Variants in DIPK1A observed in about 807,000 individuals in gnomAD.
DIPK1A encodes family with sequence similarity 69 member A.
Under a neutral mutation model 40.8 loss-of-function variants are expected in DIPK1A, and 27 were observed. The ratio of observed to expected loss-of-function variants is 0.66; its 90% confidence interval spans 0.49 to 0.91. DIPK1A has a LOEUF of 0.91. DIPK1A is among the 40% of genes least tolerant of loss of function. DIPK1A has a pLI of 0.00. For synonymous variants in DIPK1A, 166 were observed against 171.3 expected (o/e 0.97, Z 0.24); for missense variants, 412 against 505.7 (o/e 0.81, Z 1.78).
At chr1:92,945,832 A>T (rs1651340050) in intron 1 of DIPK1A, among the ~76,000 whole-genome samples, 1 of 152,222 alleles carries the variant, frequency 6.6e-6, no homozygotes, top group African/African-American at 2.4e-5. Flanking sequence ...AAGTGTAACC[A>T]GGTAATTATT....
At chr1:92,898,278 G>A (rs1489427998) in intron 1 of DIPK1A, among the ~76,000 whole-genome samples, 1 of 152,152 alleles carries the variant, frequency 6.6e-6, no homozygotes. Flanking sequence ...ATGGTGAAGA[G>A]AGCAACGGGG....
intron 4 of DIPK1A, chr1:92,836,114 G>T (rs1288670513): frequency 7.3e-7 from 1 of 1,372,634 alleles, no homozygotes; most frequent in East Asian, 2.3e-5. Flanking sequence ...GGTCCTTACG[G>T]TTATGACATA....
At chr1:92,950,511 G>A (rs1322685574) in intron 1 of DIPK1A, among the ~76,000 whole-genome samples, 1 of 152,262 alleles carries the variant, frequency 6.6e-6, no homozygotes, top group African/African-American at 2.4e-5. Context: ...GAAAGGGTTA[G>A]ACTGGGCTAT....
intron 4 of DIPK1A, 32 bp downstream of exon 4, chr1:92,847,151 C>A: frequency 7.1e-7 from 1 of 1,415,260 alleles, no homozygotes; most frequent in Non-Finnish European, 9.4e-7. Context: ...AGTCCCACTT[C>A]ACACTAGCAA....
intron 4 of DIPK1A, chr1:92,836,765 C>T (rs1360255656): frequency 4.5e-6 from 1 of 220,172 alleles, no homozygotes; most frequent in Non-Finnish European, 9.2e-6. Flanking sequence ...AAAGGTGGAT[C>T]CTAGAATTTT....
chr1:92,906,314 TAGAC>T (rs983121226), intron 1 of DIPK1A, among the ~76,000 whole-genome samples: 4 of 152,156 alleles, frequency 2.6e-5, no homozygotes, highest in Non-Finnish European at 4.4e-5. Flanking sequence ...GACTAAGTCT[TAGAC>T]AGATGAGTGT....
Position 92,844,176 on chromosome 1 carries a change from C to T in DIPK1A, c.494G>A (p.Gly165Glu), listed in dbSNP as rs1020889622. The change falls in exon 5 of 5, where the codon GGA becomes GAA. Residue 165 changes from glycine to glutamate, a missense_variant. Gly to Glu is a moderately conservative substitution (Grantham distance 98, BLOSUM62 -2). Transcript: ENST00000370310. ...SLFKAKLGDQ[G>E]NLSELVNLIL... Reference sequence around the variant, plus strand: ...GAGATTAACCAGTTCAGAGAGGTTTCCTTGGTCACCCAATTTTGCCTGTCA... The same window carrying T: ...GAGATTAACCAGTTCAGAGAGGTTTTCTTGGTCACCCAATTTTGCCTGTCA... 4.5e-6 allele frequency: 7 copies of T among 1,545,506 alleles called. No individual in the cohort carries two copies. Among genetic ancestry groups the T allele is most frequent in the Admixed American group, 2.0e-5 (1 of 50,424 alleles).
chr1:92,895,120 T>C (rs1233663565), intron 1 of DIPK1A, among the ~76,000 whole-genome samples: 1 of 151,812 alleles, frequency 6.6e-6, no homozygotes, highest in Non-Finnish European at 1.5e-5. Flanking sequence ...TTCCAATCAA[T>C]AGAAAAAGAG....
intron 1 of DIPK1A, among the ~76,000 whole-genome samples, chr1:92,885,073 T>A (rs1470742100): frequency 6.6e-6 from 1 of 152,166 alleles, no homozygotes; most frequent in Non-Finnish European, 1.5e-5. Context: ...TATTGAAACA[T>A]AATCTCCCCT....
intron 2 of DIPK1A, among the ~76,000 whole-genome samples, chr1:92,875,864 C>T (rs947892940): frequency 1.3e-5 from 2 of 151,798 alleles, no homozygotes; most frequent in Non-Finnish European, 2.9e-5. Flanking sequence ...GAGATACATC[C>T]AATCACTAGG....
chr1:92,837,440 A>C, downstream of DIPK1A: 1 of 1,605,898 alleles, frequency 6.2e-7, no homozygotes, highest in South Asian at 1.1e-5. Flanking sequence ...CTAAAATATG[A>C]ATAACTTTAT....
intron 1 of DIPK1A, among the ~76,000 whole-genome samples, chr1:92,900,147 T>C (rs1462314457): frequency 6.6e-6 from 1 of 152,220 alleles, no homozygotes; most frequent in Non-Finnish European, 1.5e-5. Flanking sequence ...TGGATGTCTA[T>C]ACCTCTCCTC....
intron 1 of DIPK1A, among the ~76,000 whole-genome samples, chr1:92,882,125 T>C (rs1648404042): frequency 6.6e-6 from 1 of 152,218 alleles, no homozygotes; most frequent in Non-Finnish European, 1.5e-5. Flanking sequence ...TGGTGGCTCA[T>C]GCCTGTAATC....
intron 1 of DIPK1A, among the ~76,000 whole-genome samples, chr1:92,878,852 CAAAA>C (rs1177097699): frequency 4.1e-5 from 6 of 147,304 alleles, no homozygotes; most frequent in Admixed American, 3.4e-4. Context: ...AACAAACAAA[CAAAA>C]ATTAGCCGAG....
intron 1 of DIPK1A, among the ~76,000 whole-genome samples, chr1:92,948,771 G>A (rs1186842558): frequency 7.3e-6 from 1 of 136,370 alleles, no homozygotes; most frequent in Admixed American, 7.4e-5. Flanking sequence ...ATATATGTGT[G>A]TGTGTGTATA....
chr1:92,909,701 C>T lies in DIPK1A; in HGVS notation c.55-33271G>A, dbSNP rs148844514. The stretch of plus-strand genomic sequence containing the variant: ...GCCCTAGGTGTAGAGCAGAGAGTGT[C>T]ACTCAGATTTCAACAAGCTGCAACC... On this transcript the variant is annotated intron_variant, in intron 1 of 4. Transcript: ENST00000370310. Among the ~76,000 whole-genome samples the T allele has an allele frequency of 2.8e-4, 42 of 152,174 alleles. No individual in the cohort carries two copies. In the South Asian group the frequency reaches 5.0e-3, roughly 18 times the overall value.
intron 1 of DIPK1A, among the ~76,000 whole-genome samples, chr1:92,959,650 A>T (rs1270024831): frequency 6.6e-6 from 1 of 151,138 alleles, no homozygotes; most frequent in Non-Finnish European, 1.5e-5. Flanking sequence ...ACGGGGTTTC[A>T]CCGTGTTAGC....
chr1:92,937,048 T>C (rs376398276), intron 1 of DIPK1A, among the ~76,000 whole-genome samples: 1 of 152,392 alleles, frequency 6.6e-6, no homozygotes, highest in Admixed American at 6.5e-5. Flanking sequence ...TACTATGTAA[T>C]AAATTCTTAC....
chr1:92,840,429 C>T (rs1687309368), downstream of DIPK1A: 2 of 760,198 alleles, frequency 2.6e-6, no homozygotes, highest in Admixed American at 2.0e-5. Flanking sequence ...TGTTTACCAA[C>T]ATTGATTTAG....
Sources: allele counts gnomAD v4.1 joint callset (sites outside exome capture counted in the v4.1 genomes callset), GRCh38; gene constraint gnomAD v4.1.1; transcripts MANE v1.5; gene names NCBI Gene and HGNC (gene_info 2026-07-23, HGNC 2026-07-21).